Variants in ZNF506 observed in about 807,000 individuals in gnomAD.
The protein encoded by ZNF506 is zinc finger protein 506.
In ZNF506, 10 loss-of-function variants were observed where a neutral mutation model predicts 11.6. The ratio of observed to expected loss-of-function variants is 0.86; its 90% CI spans 0.53 to 1.46. The LOEUF (loss-of-function observed/expected upper bound fraction) is 1.46, where lower values mean the gene tolerates loss of function less well. Among genes scored for constraint, ZNF506 ranks in the 40% most tolerant of loss-of-function variants. The pLI is 0.00. For synonymous variants in ZNF506, 156 were observed against 173.3 expected (o/e 0.90, Z 0.78); for missense variants, 425 against 521.2 (o/e 0.82, Z 1.80).
chr19:19,805,209 A>G (rs562357942), intron 3 of ZNF506, among the ~76,000 whole-genome samples: 11 of 152,204 alleles, frequency 7.2e-5, no homozygotes, highest in Admixed American at 3.3e-4. Context: ...TATCTGATAA[A>G]ATAAAGAAAA....
At chr19:19,799,598 CTT>C (rs1230508171) in intron 3 of ZNF506, 13 of 480,170 alleles carry the variant, frequency 2.7e-5, no homozygotes, top group Admixed American at 3.8e-5. Flanking sequence ...ACAATACACT[CTT>C]GAGCATGCAC....
intron 3 of ZNF506, among the ~76,000 whole-genome samples, chr19:19,800,596 T>C (rs1027153281): frequency 2.0e-5 from 3 of 150,906 alleles, no homozygotes; most frequent in Non-Finnish European, 3.0e-5. Context: ...TTTTGTATTT[T>C]AGTAGAGACA....
Position 19,794,893 on chromosome 19 carries a change from T to C in ZNF506, c.994A>G (p.Lys332Glu), listed in dbSNP as rs1242155957. 1 of 1,613,890 alleles carries C rather than the reference T, an allele frequency of 6.2e-7. No individual in the cohort carries two copies. The highest frequency in any genetic ancestry group is 1.3e-5 in the African/African-American group (1 of 74,902). ...GGTACATCTCCAGTATGAATTCTCT[T>C]ATGTTTAGTAAGGTTTGAGGAACGG... is the stretch of plus-strand genomic sequence containing the variant. ...FNRSSNLTKHKRIHTGDVPYK... is the reference protein window; with the variant it reads ...FNRSSNLTKHERIHTGDVPYK... Residue 332 changes from lysine to glutamate, a missense_variant, in exon 4 of 4, where the codon AAG becomes GAG. Around this residue, in one of 3 missense-constraint regions of ZNF506, gnomAD observed 192 missense variants for 215.7 expected, o/e 0.89. Coordinates refer to ENST00000540806, the MANE Select transcript of ZNF506 (RefSeq NM_001099269.3).
intron 3 of ZNF506, 104 bp downstream of exon 3, chr19:19,805,927 T>C (rs12973032): frequency 0.22 from 221,745 of 1,023,626 alleles, 26,028 homozygotes; most frequent in African/African-American, 0.42. Context: ...AACTATTTCC[T>C]TGGGAACACA....
rs972752783 is a variant in ZNF506, at chr19:19,793,193, A to G, written c.*1359T>C. ...CAGAAAATCTCCCTTTTAAAGTTAT[A>G]TACAAAAACAGCTTTAGTTGTGGAT... On this transcript the variant is annotated 3_prime_UTR_variant, in exon 4 of 4. Transcript: ENST00000540806. 6.6e-6 allele frequency among the ~76,000 whole-genome samples: 1 copy of G among 152,204 alleles called. No individual in the cohort carries two copies. Among genetic ancestry groups the G allele is most frequent in the Non-Finnish European group, 1.5e-5 (1 of 68,022 alleles).
chr19:19,810,751 TACA>T (rs1378477321), intron 1 of ZNF506, among the ~76,000 whole-genome samples: 1 of 152,174 alleles, frequency 6.6e-6, no homozygotes, highest in Admixed American at 6.5e-5. Flanking sequence ...TTGGTTTTAA[TACA>T]ACATTTAAAA....
chr19:19,800,316 A>C (rs1233019949), intron 3 of ZNF506, among the ~76,000 whole-genome samples: 1 of 151,068 alleles, frequency 6.6e-6, no homozygotes, highest in East Asian at 1.9e-4. Flanking sequence ...GTGTATTGAG[A>C]TTTAGCTTTG....
intron 3 of ZNF506, among the ~76,000 whole-genome samples, chr19:19,803,167 T>G (rs1260938943): frequency 6.6e-6 from 1 of 152,226 alleles, no homozygotes; most frequent in African/African-American, 2.4e-5. Context: ...TTCACCCAAC[T>G]TGGTCCCACT....
rs183235057 is a variant in ZNF506 at position 19,815,176 on chromosome 19, C to T, written c.3+6425G>A. Among the ~76,000 whole-genome samples, 168 of 152,290 alleles carry T rather than the reference C, an allele frequency of 1.1e-3. 1 individual carries two copies. The highest frequency in any genetic ancestry group is 3.6e-3 in the African/African-American group (150 of 41,564). ...TCAGGAGGCTGAGACAGGAGAATGG[C>T]GTGAACCCGGGAGGCGGAGCCTGCA... is the stretch of plus-strand genomic sequence containing the variant. On this transcript the variant is annotated intron_variant, in intron 1 of 3. Transcript: ENST00000540806.
In ZNF506 at chr19:19,821,490, A is replaced by T. The variant is rs146053181; in HGVS notation, c.3+111T>A. On this transcript the variant is annotated intron_variant, in intron 1 of 3. Coordinates refer to ENST00000540806, the MANE Select transcript of ZNF506 (RefSeq NM_001099269.3). ...TGAGAACTTGGAGCGCAGATTGTGGAGCTGACTGCCGGGAGGCCTGAGTTC... is the reference window on the plus strand; with the variant it reads ...TGAGAACTTGGAGCGCAGATTGTGGTGCTGACTGCCGGGAGGCCTGAGTTC... 9.4e-4 allele frequency: 1,309 copies of T among 1,398,682 alleles called. 33 individuals carry two copies. In the East Asian group the frequency reaches 0.03, roughly 32 times the overall value. 86.6% of individuals were successfully genotyped at this position (1,398,682 alleles called of 1,614,324 possible).
At chr19:19,816,810 CTTTTTTTTTTTTTTTT>C (rs34297481) in intron 1 of ZNF506, among the ~76,000 whole-genome samples, 2 of 80,248 alleles carry the variant, frequency 2.5e-5, no homozygotes, top group African/African-American at 5.9e-5. Context: ...AAAATATTTC[CTTTTTTTTTTTTTTTT>C]TTTTTTTTTT....
At chr19:19,797,981 A>T (rs1358238301) in intron 3 of ZNF506, 1 of 152,258 alleles carries the variant, frequency 6.6e-6, no homozygotes, top group African/African-American at 2.4e-5. Flanking sequence ...TGCCCTACAT[A>T]TCAAGGATGC....
At chr19:19,806,900 T>G (rs1348603324) in intron 2 of ZNF506, 42 bp downstream of exon 2, 1 of 1,588,944 alleles carries the variant, frequency 6.3e-7, no homozygotes, top group East Asian at 2.3e-5. Context: ...AAATAAAACC[T>G]TTAGAGTAAT....
chr19:19,808,066 A>C (rs1387022951), intron 1 of ZNF506, among the ~76,000 whole-genome samples: 1 of 150,092 alleles, frequency 6.7e-6, no homozygotes, highest in East Asian at 1.9e-4. Context: ...ATAGTGAAAA[A>C]AATCTCTCAG....
At chr19:19,801,281 A>G (rs1195090354) in intron 3 of ZNF506, among the ~76,000 whole-genome samples, 1 of 152,210 alleles carries the variant, frequency 6.6e-6, no homozygotes, top group Non-Finnish European at 1.5e-5. Context: ...GCCTGAGGTC[A>G]GGAGTTCAAG....
chr19:19,815,683 C>T (rs1568480992), intron 1 of ZNF506, among the ~76,000 whole-genome samples: 1 of 152,226 alleles, frequency 6.6e-6, no homozygotes, highest in Non-Finnish European at 1.5e-5. Context: ...CCAGAGTCAT[C>T]GTAGACCCTG....
intron 1 of ZNF506, among the ~76,000 whole-genome samples, chr19:19,814,909 T>C (rs940583360): frequency 6.6e-6 from 1 of 152,132 alleles, no homozygotes; most frequent in African/African-American, 2.4e-5. Context: ...AGTGGGAATA[T>C]GCTAGGAGAC....
At position 19,795,000 on chromosome 19, in the gene ZNF506, GA is replaced by G; in HGVS notation, c.886del (p.Ser296HisfsTer10). 1 of 1,612,748 alleles carries G rather than the reference GA, an allele frequency of 6.2e-7. No homozygotes were observed. The highest frequency in any genetic ancestry group is 8.5e-7 in the Non-Finnish European group (1 of 1,179,692). On this transcript the variant is annotated frameshift_variant, in exon 4 of 4. Coordinates refer to ENST00000540806, the MANE Select transcript of ZNF506 (RefSeq NM_001099269.3). LOFTEE classifies it low-confidence loss of function (END_TRUNC). The stretch of plus-strand genomic sequence containing the variant: ...CTCATGTTTAGTAAGGGTTGAGGAT[GA>G]AATAAAGGCTTTGCCACATTTATCA... Reference protein sequence around the residue: ...KCDKCGKAFISSSTLTKHEII... With the variant: ...KCDKCGKAFIXSSTLTKHEII...
rs553035316 is a variant in ZNF506 at position 19,814,799 on chromosome 19, T to G, written c.3+6802A>C. Among the ~76,000 whole-genome samples the G allele has an allele frequency of 2.6e-5, 4 of 152,282 alleles. No homozygotes were observed. In the South Asian group the frequency reaches 8.3e-4, roughly 32 times the overall value. Reference sequence around the variant, plus strand: ...GGTCCCAGTGGGGCTGTACTCTATTTATTTCCGTGTGCATGCAGGCAGGTG... The same window carrying G: ...GGTCCCAGTGGGGCTGTACTCTATTGATTTCCGTGTGCATGCAGGCAGGTG... On this transcript the variant is annotated intron_variant, in intron 1 of 3. Coordinates refer to ENST00000540806, the MANE Select transcript of ZNF506 (RefSeq NM_001099269.3).
Sources: allele counts gnomAD v4.1 joint callset (sites outside exome capture counted in the v4.1 genomes callset), GRCh38; gene constraint gnomAD v4.1.1; regional missense constraint gnomAD v4.1.1; transcripts MANE v1.5; gene names NCBI Gene and HGNC (gene_info 2026-07-23, HGNC 2026-07-21).